Variants in ATRNL1 observed in about 807,000 individuals in gnomAD.
ATRNL1 encodes attractin like 1, also known as attractin-like protein 1.
In ATRNL1, 95 loss-of-function variants were observed where a neutral mutation model predicts 182.7. The ratio of observed to expected loss-of-function variants is 0.52; its 90% CI spans 0.44 to 0.62. The LOEUF is 0.62. ATRNL1 is among the 20% of genes least tolerant of loss of function. ATRNL1 has a pLI of 0.00. For missense variants in ATRNL1, 1,471 were observed against 1,679.5 expected (o/e 0.88, Z 2.17); for synonymous variants, 576 against 568.3 (o/e 1.01, Z -0.19).
At chr10:115,647,415 A>G (rs576067696) in intron 26 of ATRNL1, among the ~76,000 whole-genome samples, 1 of 152,284 alleles carries the variant, frequency 6.6e-6, no homozygotes, top group African/African-American at 2.4e-5. Flanking sequence ...CAGTCCCACC[A>G]ACAGTGTAAA....
At chr10:115,342,191 T>C (rs1371419668) in intron 19 of ATRNL1, among the ~76,000 whole-genome samples, 8 of 152,044 alleles carry the variant, frequency 5.3e-5, no homozygotes, top group Admixed American at 5.2e-4. Flanking sequence ...GCGAGACTTG[T>C]AAATAGTACA....
chr10:115,213,802 T>C (rs1353600929), intron 8 of ATRNL1, among the ~76,000 whole-genome samples: 2 of 152,168 alleles, frequency 1.3e-5, no homozygotes, highest in Non-Finnish European at 2.9e-5. Flanking sequence ...TACTGAGAAC[T>C]GTGCTCTATT....
chr10:115,430,813 C>T (rs940597880), intron 21 of ATRNL1, among the ~76,000 whole-genome samples: 1 of 151,924 alleles, frequency 6.6e-6, no homozygotes, highest in Non-Finnish European at 1.5e-5. Flanking sequence ...GGGAGTGGGA[C>T]GTGGGTGCCG....
chr10:115,522,447 C>T (rs1476561903), intron 25 of ATRNL1, among the ~76,000 whole-genome samples: 4 of 152,136 alleles, frequency 2.6e-5, no homozygotes, highest in Admixed American at 2.6e-4. Flanking sequence ...ATAAGGACAC[C>T]ACCAAGTCAT....
At chr10:115,701,867 A>C (rs1253067139) in intron 26 of ATRNL1, among the ~76,000 whole-genome samples, 1 of 152,026 alleles carries the variant, frequency 6.6e-6, no homozygotes, top group Non-Finnish European at 1.5e-5. Flanking sequence ...TCTACTAGAC[A>C]TACAAAGGAG....
At chr10:115,149,106 C>T (rs1846100481) in intron 5 of ATRNL1, among the ~76,000 whole-genome samples, 1 of 151,986 alleles carries the variant, frequency 6.6e-6, no homozygotes, top group Non-Finnish European at 1.5e-5. Context: ...ATTTGTTGGA[C>T]CAGGTGTACC....
chr10:115,358,110 G>T (rs1856582263), intron 19 of ATRNL1, among the ~76,000 whole-genome samples: 1 of 151,530 alleles, frequency 6.6e-6, no homozygotes, highest in South Asian at 2.1e-4. Flanking sequence ...CTTGTTAGAT[G>T]TTACAGATTA....
rs528632576 is a variant in ATRNL1, at chr10:115,535,108, G to T, written c.3717-14350G>T. On this transcript the variant is annotated intron_variant, in intron 25 of 28. Coordinates refer to ENST00000355044, the MANE Select transcript of ATRNL1 (RefSeq NM_207303.4). Reference sequence around the variant, plus strand: ...GTCTTGGAGTTGCTCTTCTCGAGGAGTATCTTTGTGGCGTTCTCTGTATTT... The same window carrying T: ...GTCTTGGAGTTGCTCTTCTCGAGGATTATCTTTGTGGCGTTCTCTGTATTT... Among the ~76,000 whole-genome samples the T allele has an allele frequency of 9.3e-5, 14 of 150,734 alleles. No homozygotes were observed. The East Asian group carries it at 2.7e-3, about 29-fold the overall frequency.
intron 3 of ATRNL1, 35 bp from the exon 4 acceptor site, chr10:115,127,558 C>T: frequency 2.6e-6 from 4 of 1,526,940 alleles, no homozygotes; most frequent in Non-Finnish European, 3.6e-6. Flanking sequence ...TTATGTATAT[C>T]TATACATACA....
chr10:115,466,956 A>G (rs1848079647), intron 22 of ATRNL1, among the ~76,000 whole-genome samples: 1 of 151,056 alleles, frequency 6.6e-6, no homozygotes, highest in Non-Finnish European at 1.5e-5. Flanking sequence ...ACCAAATTAT[A>G]ATAGAGAAGA....
At chr10:115,187,670 G>GTTTTTT (rs557762991) in intron 8 of ATRNL1, among the ~76,000 whole-genome samples, 1,591 of 112,052 alleles carry the variant, frequency 0.014, 2 homozygotes, top group African/African-American at 0.02. Context: ...AGGGTGCTTG[G>GTTTTTT]TTTTTTTTTT....
rs1950866706 is a variant in ATRNL1 at position 115,843,842 on chromosome 10, A to T, written c.3904-4035A>T. 2.0e-5 allele frequency among the ~76,000 whole-genome samples: 3 copies of T among 152,052 alleles called. No homozygotes were observed. The South Asian group carries it at 6.2e-4, about 31-fold the overall frequency. On this transcript the variant is annotated intron_variant, in intron 27 of 28. Coordinates refer to ENST00000355044, the MANE Select transcript of ATRNL1 (RefSeq NM_207303.4). ...AGAGGATAAGTCAGTCTTCCTACCT[A>T]TTACAGGCAATATAGCATAAAGTTA... is the stretch of plus-strand genomic sequence containing the variant.
intron 27 of ATRNL1, among the ~76,000 whole-genome samples, chr10:115,759,870 T>G (rs1449579786): frequency 2.1e-5 from 3 of 144,538 alleles, no homozygotes; most frequent in Non-Finnish European, 4.5e-5. Context: ...TTTTTTTGTA[T>G]TTTTAGTAGA....
At chr10:115,362,524 T>C (rs1158095303) in intron 19 of ATRNL1, among the ~76,000 whole-genome samples, 6 of 152,148 alleles carry the variant, frequency 3.9e-5, no homozygotes, top group African/African-American at 1.4e-4. Flanking sequence ...ACATTGTTTT[T>C]TTTTTTTTAT....
At chr10:115,573,605 CCT>C (rs1257377639) in intron 26 of ATRNL1, among the ~76,000 whole-genome samples, 1 of 152,032 alleles carries the variant, frequency 6.6e-6, no homozygotes, top group Non-Finnish European at 1.5e-5. Flanking sequence ...CCAGTATTTC[CCT>C]GTCTCCTGTC....
intron 5 of ATRNL1, among the ~76,000 whole-genome samples, chr10:115,157,083 A>G (rs533083550): frequency 6.6e-5 from 10 of 152,286 alleles, no homozygotes; most frequent in African/African-American, 2.4e-4. Context: ...TATATATTTC[A>G]TAGCTAGAAT....
intron 6 of ATRNL1, among the ~76,000 whole-genome samples, chr10:115,162,742 G>A (rs1554883565): frequency 6.6e-6 from 1 of 150,682 alleles, no homozygotes; most frequent in Non-Finnish European, 1.5e-5. Flanking sequence ...ATCACTAAGA[G>A]GTTGTGGGGA....
At chr10:115,911,497 T>C (rs1020015996) in intron 28 of ATRNL1, among the ~76,000 whole-genome samples, 4 of 152,022 alleles carry the variant, frequency 2.6e-5, no homozygotes, top group Admixed American at 6.6e-5. Flanking sequence ...TTTTGTATTT[T>C]TAGTAAAGAT....
intron 21 of ATRNL1, among the ~76,000 whole-genome samples, chr10:115,439,913 A>G (rs1351257634): frequency 6.6e-6 from 1 of 151,976 alleles, no homozygotes; most frequent in African/African-American, 2.4e-5. Flanking sequence ...TAATGTGTTT[A>G]CCAAATGATG....
Sources: allele counts gnomAD v4.1 joint callset (sites outside exome capture counted in the v4.1 genomes callset), GRCh38; gene constraint gnomAD v4.1.1; transcripts MANE v1.5; gene names NCBI Gene and HGNC (gene_info 2026-07-23, HGNC 2026-07-21).